Variants in DLGAP1 observed in about 807,000 individuals in gnomAD.
The protein encoded by DLGAP1 is disks large-associated protein 1.
In DLGAP1, 11 loss-of-function variants were observed where a neutral mutation model predicts 90.8. That is an observed-to-expected ratio of 0.12 (90% confidence interval 0.08 to 0.20). The LOEUF is 0.20. Ranked by LOEUF, DLGAP1 falls within the 10% of genes least tolerant of loss-of-function variation. The pLI, the probability that DLGAP1 is intolerant of heterozygous loss-of-function variation, is 1.00. For synonymous variants in DLGAP1, 558 were observed against 540.7 expected (o/e 1.03, Z -0.44); for missense variants, 1,050 against 1,333.8 (o/e 0.79, Z 3.31).
At chr18:3,745,448 C>T (rs1029743224) in intron 5 of DLGAP1, among the ~76,000 whole-genome samples, 5 of 152,016 alleles carry the variant, frequency 3.3e-5, no homozygotes, top group Non-Finnish European at 5.9e-5. Flanking sequence ...CTGGGCAATA[C>T]TAGAGAAAGA....
intron 7 of DLGAP1, among the ~76,000 whole-genome samples, chr18:3,648,353 C>T (rs973957856): frequency 1.4e-4 from 22 of 152,132 alleles, no homozygotes; most frequent in African/African-American, 5.1e-4. Context: ...GCAATATTTA[C>T]GCATGTAAAG....
chr18:4,026,311 A>G (rs2149121762), intron 2 of DLGAP1, among the ~76,000 whole-genome samples: 1 of 152,336 alleles, frequency 6.6e-6, no homozygotes, highest in Middle Eastern at 3.4e-3. Flanking sequence ...TTTCAGTGTG[A>G]GATATCCATA....
At chr18:3,990,917 T>C (rs1003946469) in intron 3 of DLGAP1, among the ~76,000 whole-genome samples, 4 of 151,868 alleles carry the variant, frequency 2.6e-5, no homozygotes, top group Non-Finnish European at 4.4e-5. Context: ...TCACTTTTTT[T>C]TGGCAAAATG....
rs2049692093 is a variant in DLGAP1, at chr18:3,496,202, ATCT to A, written c.*2980_*2982del. ...CCTCCATCTGAAGGCTTTCAAATGA[ATCT>A]TTTTTTTCCAAACCAAAATAATTTT... is the stretch of plus-strand genomic sequence containing the variant. On this transcript the variant is annotated 3_prime_UTR_variant, in exon 13 of 13. Transcript: ENST00000315677. The A allele has an allele frequency of 6.6e-6, 1 of 152,224 alleles. No homozygotes were observed. Among genetic ancestry groups the A allele is most frequent in the South Asian group, 2.1e-4 (1 of 4,836 alleles). The allele number at this position is 152,224 out of a possible 1,614,324, so 9.4% of individuals were successfully genotyped here.
chr18:4,402,182 T>C (rs1243137303), intron 1 of DLGAP1, among the ~76,000 whole-genome samples: 1 of 152,204 alleles, frequency 6.6e-6, no homozygotes, highest in African/African-American at 2.4e-5. Flanking sequence ...GGCCAATAAG[T>C]ACCTAATCAG....
At chr18:4,064,442 GC>G (rs751019702) in intron 2 of DLGAP1, among the ~76,000 whole-genome samples, 60 of 151,832 alleles carry the variant, frequency 4.0e-4, no homozygotes, top group Non-Finnish European at 6.9e-4. Context: ...ACAATAGACT[GC>G]TAGCGAGACC....
intron 7 of DLGAP1, among the ~76,000 whole-genome samples, chr18:3,719,428 G>T (rs1367622390): frequency 6.6e-6 from 1 of 151,500 alleles, no homozygotes; most frequent in Non-Finnish European, 1.5e-5. Context: ...TGTGGTGGCG[G>T]GCACCTGTAA....
intron 2 of DLGAP1, among the ~76,000 whole-genome samples, chr18:4,034,075 CT>C (rs1262088961): frequency 2.5e-5 from 3 of 118,856 alleles, no homozygotes; most frequent in Non-Finnish European, 5.1e-5. Flanking sequence ...GAGTTTCGCT[CT>C]TGTTGCCCAG....
intron 1 of DLGAP1, among the ~76,000 whole-genome samples, chr18:4,253,138 C>A (rs2078818285): frequency 6.6e-6 from 1 of 152,156 alleles, no homozygotes; most frequent in South Asian, 2.1e-4. Flanking sequence ...ATCATTCACT[C>A]CCTCAGTAAA....
At chr18:4,400,781 A>G (rs2082538610) in intron 1 of DLGAP1, among the ~76,000 whole-genome samples, 1 of 152,156 alleles carries the variant, frequency 6.6e-6, no homozygotes, top group African/African-American at 2.4e-5. Context: ...GTGGTGCCTG[A>G]AAATGTGCAT....
Position 3,600,801 on chromosome 18 carries a change from GATATATAGAT to G in DLGAP1, c.1592-18563_1592-18554del, listed in dbSNP as rs1182476599. 7.8e-4 allele frequency among the ~76,000 whole-genome samples: 12 copies of G among 15,426 alleles called. 2 individuals are homozygous for G. The highest frequency in any genetic ancestry group is 2.8e-3 in the Admixed American group (6 of 2,112). 10.1% of individuals were successfully genotyped at this position (15,426 alleles called of 152,430 possible). ...ATATATAGATATATATAGATATATA[GATATATAGAT>G]ATATATAGATATATAGATATATATA... On this transcript the variant is annotated intron_variant, in intron 7 of 12. Coordinates refer to ENST00000315677, the MANE Select transcript of DLGAP1 (RefSeq NM_004746.4).
chr18:4,306,023 CACACACAAAT>C (rs1274258753), intron 1 of DLGAP1, among the ~76,000 whole-genome samples: 2 of 82,414 alleles, frequency 2.4e-5, no homozygotes, highest in Non-Finnish European at 5.1e-5. Context: ...CACACACAGA[CACACACAAAT>C]ACACACACAC....
chr18:3,862,730 G>C (rs548053160), intron 4 of DLGAP1, among the ~76,000 whole-genome samples: 1 of 152,360 alleles, frequency 6.6e-6, no homozygotes, highest in South Asian at 2.1e-4. Flanking sequence ...CTTATTGAAA[G>C]CTAGGTATGT....
At chr18:3,645,562 A>G (rs1236826113) in intron 7 of DLGAP1, among the ~76,000 whole-genome samples, 5 of 152,090 alleles carry the variant, frequency 3.3e-5, no homozygotes, top group East Asian at 1.9e-4. Context: ...GTCTCCCTCA[A>G]TGAGCCCTCC....
intron 4 of DLGAP1, 92 bp from the exon 5 acceptor site, chr18:3,814,365 T>C: frequency 8.7e-7 from 1 of 1,155,350 alleles, no homozygotes; most frequent in East Asian, 2.8e-5. Flanking sequence ...ATTTCTATTT[T>C]TTTTTTTTTT....
At chr18:3,870,217 C>T (rs369523836) in intron 4 of DLGAP1, among the ~76,000 whole-genome samples, 1 of 152,184 alleles carries the variant, frequency 6.6e-6, no homozygotes, top group Non-Finnish European at 1.5e-5. Flanking sequence ...ATTTTATAGA[C>T]ACTCTCAAGG....
At chr18:3,971,620 G>C (rs1409746077) in intron 3 of DLGAP1, among the ~76,000 whole-genome samples, 1 of 152,138 alleles carries the variant, frequency 6.6e-6, no homozygotes, top group East Asian at 1.9e-4. Context: ...ATTGTTCCAA[G>C]ACTTAACTTT....
chr18:3,611,100 C>G (rs1349195063), intron 7 of DLGAP1, among the ~76,000 whole-genome samples: 1 of 151,498 alleles, frequency 6.6e-6, no homozygotes, highest in Admixed American at 6.6e-5. Flanking sequence ...CCACTGCACT[C>G]TACCCTGGGC....
At chr18:4,289,810 C>A (rs146817266) in intron 1 of DLGAP1, among the ~76,000 whole-genome samples, 2 of 152,146 alleles carry the variant, frequency 1.3e-5, no homozygotes, top group African/African-American at 4.8e-5. Flanking sequence ...AACTTAGAAA[C>A]AATTGTACTT....
Sources: gnomAD v4.1 joint callset for allele counts (sites outside exome capture counted in the v4.1 genomes callset) on GRCh38, gnomAD v4.1.1 for gene constraint, MANE v1.5 for transcripts, NCBI Gene and HGNC (gene_info 2026-07-23, HGNC 2026-07-21) for gene names.